The following FMN2 variants were observed in gnomAD, a reference collection of about 807,000 sequenced individuals.
The protein encoded by FMN2 is formin 2, also known as formin-2.
Under a neutral mutation model 142.3 loss-of-function variants are expected in FMN2, and 51 were observed. The ratio of observed to expected loss-of-function variants is 0.36; its 90% confidence interval spans 0.29 to 0.45. The LOEUF (loss-of-function observed/expected upper bound fraction) is 0.45, where lower values mean the gene tolerates loss of function less well. Among genes scored for constraint, FMN2 ranks in the 20% least tolerant of loss-of-function variants. The pLI, the probability that FMN2 is intolerant of heterozygous loss-of-function variation, is 1.00. For synonymous variants in FMN2, 882 were observed against 869.8 expected (o/e 1.01, Z -0.25); for missense variants, 1,936 against 2,122.8 (o/e 0.91, Z 1.73).
At chr1:240,139,256 G>C (rs939982813) in intron 2 of FMN2, among the ~76,000 whole-genome samples, 5 of 133,000 alleles carry the variant, frequency 3.8e-5, no homozygotes, top group African/African-American at 1.5e-4. Context: ...GTAGATAGAG[G>C]GTGATGCAAT....
At chr1:240,210,240 T>G (rs1201839594) in intron 5 of FMN2, among the ~76,000 whole-genome samples, 1 of 152,160 alleles carries the variant, frequency 6.6e-6, no homozygotes. Flanking sequence ...AATGTGTAGG[T>G]GGCAGGGAAA....
In FMN2 at chr1:240,348,642, C is replaced by T. The variant is rs149095790; in HGVS notation, c.4766-7174C>T. ...CTGTCAGGTACATTCTGAAAAGAGT[C>T]CCCAGTTGATTCTGAAGTTTACATC... On this transcript the variant is annotated intron_variant, in intron 13 of 17. Coordinates refer to ENST00000319653, the MANE Select transcript of FMN2 (RefSeq NM_020066.5). 2.8e-3 allele frequency among the ~76,000 whole-genome samples: 422 copies of T among 151,872 alleles called. 3 individuals are homozygous for T. The highest frequency in any genetic ancestry group is 8.8e-3 in the African/African-American group (363 of 41,430).
intron 7 of FMN2, among the ~76,000 whole-genome samples, chr1:240,294,536 T>G (rs1669901377): frequency 6.6e-6 from 1 of 152,238 alleles, no homozygotes; most frequent in African/African-American, 2.4e-5. Context: ...ATTTTTCAAA[T>G]TCATTCAGTT....
chr1:240,132,137 T>C (rs1469322418), intron 2 of FMN2, among the ~76,000 whole-genome samples: 2 of 152,176 alleles, frequency 1.3e-5, no homozygotes, highest in Non-Finnish European at 2.9e-5. Flanking sequence ...TGGGATACTG[T>C]ACTAAAGAGT....
intron 3 of FMN2, among the ~76,000 whole-genome samples, chr1:240,183,939 A>T (rs1665262799): frequency 6.6e-6 from 1 of 152,162 alleles, no homozygotes; most frequent in Admixed American, 6.5e-5. Context: ...CTGCATTTTA[A>T]CTTAAAATGT....
At chr1:240,349,986 A>G (rs1185795166) in intron 13 of FMN2, among the ~76,000 whole-genome samples, 2 of 151,878 alleles carry the variant, frequency 1.3e-5, no homozygotes, top group East Asian at 3.9e-4. Flanking sequence ...GTCACATACC[A>G]ATTTTGAGGA....
intron 3 of FMN2, among the ~76,000 whole-genome samples, chr1:240,184,065 C>G (rs186777153): frequency 6.6e-6 from 1 of 152,064 alleles, no homozygotes; most frequent in Non-Finnish European, 1.5e-5. Flanking sequence ...GTCTTACTGT[C>G]TTCTCTCTGT....
intron 16 of FMN2, among the ~76,000 whole-genome samples, chr1:240,440,994 C>CTT (rs11358093): frequency 0.064 from 8,095 of 127,436 alleles, 478 homozygotes; most frequent in Non-Finnish European, 0.099. Context: ...TTGGTGTAAA[C>CTT]TTTTTTTTTT....
intron 15 of FMN2, among the ~76,000 whole-genome samples, 175 bp downstream of exon 15, chr1:240,392,737 C>G (rs553404373): frequency 6.6e-6 from 1 of 152,194 alleles, no homozygotes; most frequent in East Asian, 1.9e-4. Context: ...TTTTGTTATT[C>G]TGGGTAACAT....
chr1:240,214,600 G>A lies in FMN2; in HGVS notation c.4065+3365G>A, dbSNP rs562628515. Among the ~76,000 whole-genome samples the A allele has an allele frequency of 5.9e-5, 9 of 151,524 alleles. No homozygotes were observed. In the South Asian group the frequency reaches 8.3e-4, roughly 14 times the overall value. On this transcript the variant is annotated intron_variant, in intron 6 of 17. Coordinates refer to ENST00000319653, the MANE Select transcript of FMN2 (RefSeq NM_020066.5). ...AAAAGAAAAAGTGATCTCTTATGATGTTCATGCTTTAGCATTCACACACAT... is the reference window on the plus strand; with the variant it reads ...AAAAGAAAAAGTGATCTCTTATGATATTCATGCTTTAGCATTCACACACAT...
intron 2 of FMN2, among the ~76,000 whole-genome samples, chr1:240,163,927 C>A (rs192018351): frequency 6.6e-6 from 1 of 152,034 alleles, no homozygotes; most frequent in South Asian, 2.1e-4. Flanking sequence ...TGGTGGAGTG[C>A]GGTGGCATAA....
chr1:240,188,282 A>T lies in FMN2; in HGVS notation c.1986+20A>T, dbSNP rs377426447. The T allele has an allele frequency of 4.3e-6, 7 of 1,610,186 alleles. No individual in the cohort carries two copies. The African/African-American group carries it at 5.3e-5, about 12-fold the overall frequency. On this transcript the variant is annotated intron_variant, in intron 4 of 17. Coordinates refer to ENST00000319653, the MANE Select transcript of FMN2 (RefSeq NM_020066.5). Reference sequence around the variant, plus strand: ...CAGAAGGTAAGATGATCTTATTAGGATGTCAGATTCCCATCTGTCTTATTT... The same window carrying T: ...CAGAAGGTAAGATGATCTTATTAGGTTGTCAGATTCCCATCTGTCTTATTT...
At chr1:240,417,227 T>C (rs1049359161) in intron 15 of FMN2, among the ~76,000 whole-genome samples, 4 of 150,472 alleles carry the variant, frequency 2.7e-5, no homozygotes, top group African/African-American at 9.8e-5. Context: ...TTCTATGATA[T>C]ATATTCTCAT....
chr1:240,408,511 T>C (rs904256787), intron 15 of FMN2, among the ~76,000 whole-genome samples: 1 of 152,214 alleles, frequency 6.6e-6, no homozygotes, highest in Non-Finnish European at 1.5e-5. Flanking sequence ...TGCAGCTGAA[T>C]ATCCAAAGTA....
At chr1:240,144,635 A>G in intron 2 of FMN2, 1 of 1,284,576 alleles carries the variant, frequency 7.8e-7, no homozygotes, top group African/African-American at 1.5e-5. Context: ...ACAACGCAGT[A>G]GGACTGAGTT....
intron 5 of FMN2, among the ~76,000 whole-genome samples, chr1:240,210,862 T>A (rs1666663586): frequency 1.3e-5 from 2 of 152,234 alleles, no homozygotes; most frequent in South Asian, 2.1e-4. Flanking sequence ...CTGGAAATTA[T>A]TTCTGGGGAA....
chr1:240,136,868 T>C (rs1662962508), intron 2 of FMN2, among the ~76,000 whole-genome samples: 1 of 151,992 alleles, frequency 6.6e-6, no homozygotes, highest in Non-Finnish European at 1.5e-5. Context: ...GTCAGGAGTT[T>C]GAGATCAGCC....
At chr1:240,166,095 G>GAT (rs1664470233) in intron 2 of FMN2, among the ~76,000 whole-genome samples, 1 of 149,986 alleles carries the variant, frequency 6.7e-6, no homozygotes, top group East Asian at 2.0e-4. Context: ...TTCCCTTCAA[G>GAT]ATATATATAA....
chr1:240,189,635 T>C (rs889086024), intron 4 of FMN2, among the ~76,000 whole-genome samples: 1 of 152,258 alleles, frequency 6.6e-6, no homozygotes, highest in Non-Finnish European at 1.5e-5. Flanking sequence ...CTAGGTTAGC[T>C]ATCCTTAAGG....
Sources: gnomAD v4.1 joint callset for allele counts (sites outside exome capture counted in the v4.1 genomes callset) on GRCh38, gnomAD v4.1.1 for gene constraint, MANE v1.5 for transcripts, NCBI Gene and HGNC (gene_info 2026-07-23, HGNC 2026-07-21) for gene names.